The following PMS1 variants were observed in gnomAD, a reference collection of about 807,000 sequenced individuals.
PMS1 encodes the protein PMS1 homolog 1, mismatch repair system component, also known as PMS1 protein homolog 1.
Under a neutral mutation model 93.1 loss-of-function variants are expected in PMS1, and 79 were observed. The observed-to-expected ratio is 0.85, with a 90% confidence interval of 0.71 to 1.02. The LOEUF (loss-of-function observed/expected upper bound fraction) is 1.02, where lower values mean the gene tolerates loss of function less well. PMS1 is among the 50% of genes least tolerant of loss of function. The pLI, the probability that PMS1 is intolerant of heterozygous loss-of-function variation, is 0.00. For missense variants in PMS1, 1,064 were observed against 1,085.3 expected, an observed-to-expected ratio of 0.98 and a Z score of 0.28; for synonymous variants, 335 against 363.4, an observed-to-expected ratio of 0.92 and a Z score of 0.89.
chr2:189,837,473 G>A (rs1381700239), intron 5 of PMS1, among the ~76,000 whole-genome samples: 1 of 152,158 alleles, frequency 6.6e-6, no homozygotes, highest in South Asian at 2.1e-4. Context: ...TTCATTTCCT[G>A]TAATTGCAGA....
intron 9 of PMS1, among the ~76,000 whole-genome samples, chr2:189,858,766 A>G (rs2055631570): frequency 6.6e-6 from 1 of 152,176 alleles, no homozygotes; most frequent in African/African-American, 2.4e-5. Context: ...TAAGTAGAAA[A>G]TAACTTTAAA....
At chr2:189,811,735 G>A (rs1383486744) in intron 4 of PMS1, among the ~76,000 whole-genome samples, 1 of 152,180 alleles carries the variant, frequency 6.6e-6, no homozygotes, top group Non-Finnish European at 1.5e-5. Flanking sequence ...CAGAACCACA[G>A]CTAACTACAT....
chr2:189,809,404 A>G (rs895410896), intron 4 of PMS1, among the ~76,000 whole-genome samples: 5 of 107,472 alleles, frequency 4.7e-5, no homozygotes, highest in Non-Finnish European at 7.4e-5. Context: ...CCTCCTCCCT[A>G]TTATTGGCCA....
intron 10 of PMS1, 150 bp downstream of exon 10, chr2:189,864,378 C>G (rs1037168232): frequency 1.5e-6 from 1 of 680,822 alleles, no homozygotes; most frequent in South Asian, 1.5e-5. Flanking sequence ...GATTTCTAGG[C>G]CGGGCGCAGT....
chr2:189,839,248 C>G (rs1271934722), intron 5 of PMS1, among the ~76,000 whole-genome samples: 1 of 152,210 alleles, frequency 6.6e-6, no homozygotes, highest in Non-Finnish European at 1.5e-5. Flanking sequence ...GCCTTGGCCT[C>G]CCAAAGTGCT....
At chr2:189,828,336 G>A (rs1449687401) in intron 5 of PMS1, among the ~76,000 whole-genome samples, 1 of 152,186 alleles carries the variant, frequency 6.6e-6, no homozygotes, top group Non-Finnish European at 1.5e-5. Flanking sequence ...TCATCACAAA[G>A]AAATGAGAAA....
In PMS1 at chr2:189,852,701, TC is replaced by T; in HGVS notation, c.747del (p.Phe249LeufsTer14). On this transcript the variant is annotated frameshift_variant, in exon 7 of 13. Coordinates refer to ENST00000441310, the MANE Select transcript of PMS1 (RefSeq NM_000534.5). LOFTEE classifies it high-confidence loss of function. ...CCAAAGTGTGATGCAGACCACTCTTTCACTAGTCTTTCAACACCAGAAAGAA... is the reference window on the plus strand; with the variant it reads ...CCAAAGTGTGATGCAGACCACTCTTTACTAGTCTTTCAACACCAGAAAGAA... ...FLPKCDADHS[F>X]TSLSTPERSF... The T allele has an allele frequency of 6.3e-7, 1 of 1,591,856 alleles. No homozygotes were observed.
intron 6 of PMS1, among the ~76,000 whole-genome samples, chr2:189,847,797 G>C (rs937588847): frequency 1.3e-5 from 2 of 152,138 alleles, no homozygotes; most frequent in African/African-American, 4.8e-5. Flanking sequence ...GTGCTAAGCA[G>C]TTGGCTTCTT....
chr2:189,876,548 C>G (rs2106557219), intron 12 of PMS1, among the ~76,000 whole-genome samples: 1 of 152,194 alleles, frequency 6.6e-6, no homozygotes, highest in East Asian at 1.9e-4. Flanking sequence ...TTAGTTCTTT[C>G]TCTTCTGTCT....
At chr2:189,861,209 T>C (rs1056650796) in intron 9 of PMS1, among the ~76,000 whole-genome samples, 5 of 152,032 alleles carry the variant, frequency 3.3e-5, no homozygotes, top group Non-Finnish European at 7.3e-5. Context: ...AATTTCTTTA[T>C]TGAGTTTCCA....
intron 1 of PMS1, among the ~76,000 whole-genome samples, chr2:189,784,954 A>G (rs2048150267): frequency 6.6e-6 from 1 of 152,228 alleles, no homozygotes; most frequent in African/African-American, 2.4e-5. Context: ...GGTGCAAGTT[A>G]AACTCTTTAA....
Position 189,843,997 on chromosome 2 carries a change from C to T in PMS1, c.616C>T (p.His206Tyr), listed in dbSNP as rs758149651. ...TTGGCAGAAAAGCAGAGTATCAGAT[C>T]ACAAGATGGCTCTCATGTCAGTTCT... ...VIWQKSRVSD[H>Y]KMALMSVLGT... Residue 206 changes from histidine to tyrosine, a missense_variant, in exon 6 of 13, where the codon CAC becomes TAC. His to Tyr is a moderately conservative substitution (Grantham distance 83, BLOSUM62 2). Transcript: ENST00000441310. 1 of 1,613,968 alleles carries T rather than the reference C, an allele frequency of 6.2e-7. No homozygotes were observed. Among genetic ancestry groups the T allele is most frequent in the Non-Finnish European group, 8.5e-7 (1 of 1,179,940 alleles).
At chr2:189,865,401 T>A (rs1440273276) in intron 10 of PMS1, among the ~76,000 whole-genome samples, 2 of 152,174 alleles carry the variant, frequency 1.3e-5, no homozygotes, top group Non-Finnish European at 2.9e-5. Flanking sequence ...CATGGAGGGC[T>A]GAATAGATTT....
At chr2:189,801,501 C>G (rs1246904142) in intron 3 of PMS1, among the ~76,000 whole-genome samples, 1 of 151,998 alleles carries the variant, frequency 6.6e-6, no homozygotes. Context: ...AAATATTTTT[C>G]TTTTTAGGTT....
intron 9 of PMS1, among the ~76,000 whole-genome samples, chr2:189,863,258 GTT>G (rs763514498): frequency 7.1e-6 from 1 of 141,414 alleles, no homozygotes. Flanking sequence ...TTTTTTTTTG[GTT>G]TTTTTTTTTT....
intron 5 of PMS1, among the ~76,000 whole-genome samples, chr2:189,837,049 A>G (rs1172257579): frequency 6.6e-6 from 1 of 152,222 alleles, no homozygotes; most frequent in Non-Finnish European, 1.5e-5. Flanking sequence ...TCAGTGCAGG[A>G]ATTTTAAAAC....
intron 5 of PMS1, among the ~76,000 whole-genome samples, chr2:189,830,491 C>T (rs1271506125): frequency 6.6e-6 from 1 of 152,186 alleles, no homozygotes; most frequent in East Asian, 1.9e-4. Context: ...CCCCTGTCCC[C>T]CCGCTTCCCC....
intron 3 of PMS1, among the ~76,000 whole-genome samples, chr2:189,797,465 ACT>A: frequency 1.3e-5 from 2 of 152,086 alleles, no homozygotes; most frequent in South Asian, 4.2e-4. Flanking sequence ...TGATCACGTG[ACT>A]CTGTACTACT....
At chr2:189,853,346 A>G (rs1258130954) in intron 7 of PMS1, among the ~76,000 whole-genome samples, 2 of 151,970 alleles carry the variant, frequency 1.3e-5, no homozygotes, top group East Asian at 3.9e-4. Flanking sequence ...CAGAGCCACC[A>G]TGCCAGAGTT....
Sources: allele counts gnomAD v4.1 joint callset (sites outside exome capture counted in the v4.1 genomes callset), GRCh38; gene constraint gnomAD v4.1.1; transcripts MANE v1.5; gene names NCBI Gene and HGNC (gene_info 2026-07-23, HGNC 2026-07-21).